The following CSMD1 variants were observed in gnomAD, a reference collection of about 807,000 sequenced individuals.
The protein encoded by CSMD1 is CUB and sushi domain-containing protein 1.
Under a neutral mutation model 417.5 loss-of-function variants are expected in CSMD1, and 213 were observed. That is an observed-to-expected ratio of 0.51 (90% CI 0.46 to 0.57). The LOEUF (loss-of-function observed/expected upper bound fraction) is 0.57. CSMD1 is among the 20% of genes least tolerant of loss of function. The probability of loss-of-function intolerance (pLI) is 0.00; values close to 1 mark genes in which losing one functional copy is unlikely to be tolerated. For missense variants in CSMD1, 6,923 were observed against 4,529.7 expected, an observed-to-expected ratio of 1.53 and a Z score of -15.17; for synonymous variants, 2,862 against 1,736.8, an observed-to-expected ratio of 1.65 and a Z score of -16.11.
intron 11 of CSMD1, among the ~76,000 whole-genome samples, chr8:3,473,809 G>C (rs1277612532): frequency 6.6e-6 from 1 of 152,170 alleles, no homozygotes; most frequent in Admixed American, 6.5e-5. Context: ...TAGAGACTGG[G>C]TAATTTATAA....
chr8:4,013,707 C>T lies in CSMD1; in HGVS notation c.611-15597G>A, dbSNP rs181364453. ...TCTTGTTTTGTTCATATTGTAGCCC[C>T]AGCAGCTACAACAAATGTTGGCGAA... On this transcript the variant is annotated intron_variant, in intron 4 of 69. Coordinates refer to ENST00000635120, the MANE Select transcript of CSMD1 (RefSeq NM_033225.6). 2.0e-5 allele frequency among the ~76,000 whole-genome samples: 3 copies of T among 152,308 alleles called. No individual in the cohort carries two copies. In the East Asian group the frequency reaches 5.8e-4, roughly 29 times the overall value.
chr8:3,175,141 G>C (rs1441452830), intron 37 of CSMD1, among the ~76,000 whole-genome samples: 1 of 152,098 alleles, frequency 6.6e-6, no homozygotes, highest in Non-Finnish European at 1.5e-5. Context: ...TTTATGTTTA[G>C]TTTATAACGA....
chr8:4,013,443 T>A (rs761162479), intron 4 of CSMD1, among the ~76,000 whole-genome samples: 6 of 152,140 alleles, frequency 3.9e-5, no homozygotes, highest in Non-Finnish European at 8.8e-5. Flanking sequence ...GGTTTTCTAC[T>A]ATCAGGGGGG....
At chr8:4,263,667 T>A (rs958035434) in intron 3 of CSMD1, among the ~76,000 whole-genome samples, 1 of 152,170 alleles carries the variant, frequency 6.6e-6, no homozygotes, top group African/African-American at 2.4e-5. Context: ...ACCAATATAA[T>A]TTTGAATTAT....
chr8:3,047,909 C>T (rs75995662), intron 50 of CSMD1, among the ~76,000 whole-genome samples: 2,186 of 152,258 alleles, frequency 0.014, 18 homozygotes, highest in East Asian at 0.031. Flanking sequence ...TCTGTTTATG[C>T]CGTGAAGGCA....
In CSMD1 at chr8:3,652,326, C is replaced by CCACCATCAGCGTGCTT. The variant is rs1563235980; in HGVS notation, c.1010-35530_1010-35529insAAGCACGCTGATGGTG. 1.3e-4 allele frequency among the ~76,000 whole-genome samples: 19 copies of CCACCATCAGCGTGCTT among 151,768 alleles called. No homozygotes were observed. In the East Asian group the frequency reaches 2.9e-3, roughly 23 times the overall value. On this transcript the variant is annotated intron_variant, in intron 7 of 69. Transcript: ENST00000635120. ...CATGCTTAACCACCATCGGAGTGCT[C>CCACCATCAGCGTGCTT]ACCACCATCAGCGTGCTTACCACCA...
At chr8:3,923,765 C>T (rs569165693) in intron 5 of CSMD1, among the ~76,000 whole-genome samples, 7 of 152,310 alleles carry the variant, frequency 4.6e-5, no homozygotes, top group Admixed American at 6.5e-5. Context: ...AACATCTCCT[C>T]ATTTTCACCT....
intron 26 of CSMD1, among the ~76,000 whole-genome samples, chr8:3,270,379 T>G (rs1801751457): frequency 6.6e-6 from 1 of 152,110 alleles, no homozygotes; most frequent in Non-Finnish European, 1.5e-5. Context: ...ACTAGACAGT[T>G]GTTGCTGCCT....
At chr8:4,055,169 C>G (rs546712775) in intron 3 of CSMD1, among the ~76,000 whole-genome samples, 2 of 152,146 alleles carry the variant, frequency 1.3e-5, no homozygotes, top group African/African-American at 2.4e-5. Context: ...ATATGAATTT[C>G]TCATACGCAG....
rs554758546 is a variant in CSMD1, at chr8:4,303,758, C to A, written c.415+116195G>T. Among the ~76,000 whole-genome samples, 3 of 151,980 alleles carry A rather than the reference C, an allele frequency of 2.0e-5. No individual in the cohort carries two copies. In the South Asian group the frequency reaches 6.2e-4, roughly 32 times the overall value. On this transcript the variant is annotated intron_variant, in intron 3 of 69. Coordinates refer to ENST00000635120, the MANE Select transcript of CSMD1 (RefSeq NM_033225.6). Reference sequence around the variant, plus strand: ...CCAACCTCAGCCTCCTGGTTTCAAGCGATTCTCCTGCCTCAGCCTCCTGAG... The same window carrying A: ...CCAACCTCAGCCTCCTGGTTTCAAGAGATTCTCCTGCCTCAGCCTCCTGAG...
intron 5 of CSMD1, among the ~76,000 whole-genome samples, chr8:3,770,929 G>C (rs1351947663): frequency 6.6e-6 from 1 of 152,162 alleles, no homozygotes; most frequent in Non-Finnish European, 1.5e-5. Context: ...ATAGCTTGGT[G>C]AATCTCCGAA....
At chr8:3,073,118 T>C (rs1563861) in intron 49 of CSMD1, among the ~76,000 whole-genome samples, 91,565 of 151,810 alleles carry the variant, frequency 0.6, 27,904 homozygotes, top group Non-Finnish European at 0.62. Flanking sequence ...AATACAAAAG[T>C]CCTATTGTCT....
At chr8:4,105,187 T>C (rs1479821118) in intron 3 of CSMD1, among the ~76,000 whole-genome samples, 1 of 152,040 alleles carries the variant, frequency 6.6e-6, no homozygotes, top group Non-Finnish European at 1.5e-5. Context: ...ATGCCATACA[T>C]CCTAAGATTA....
chr8:4,680,007 G>C (rs535333182), intron 1 of CSMD1, among the ~76,000 whole-genome samples: 6 of 152,202 alleles, frequency 3.9e-5, no homozygotes, highest in African/African-American at 1.4e-4. Context: ...ATTTGTTTTA[G>C]TACTCTTCAA....
chr8:4,685,052 C>T (rs1806285086), intron 1 of CSMD1, among the ~76,000 whole-genome samples: 1 of 152,168 alleles, frequency 6.6e-6, no homozygotes, highest in Non-Finnish European at 1.5e-5. Flanking sequence ...CATGATTCTT[C>T]TGACCCTTAC....
chr8:4,592,053 T>G (rs182965819), intron 2 of CSMD1, among the ~76,000 whole-genome samples: 362 of 152,210 alleles, frequency 2.4e-3, no homozygotes, highest in Non-Finnish European at 3.7e-3. Context: ...CCATTGCATC[T>G]GAGGTACCGG....
chr8:4,466,175 G>C (rs1355582287), intron 2 of CSMD1, among the ~76,000 whole-genome samples: 1 of 152,138 alleles, frequency 6.6e-6, no homozygotes, highest in Admixed American at 6.5e-5. Context: ...GTGGTCTTAA[G>C]AGCTGTTTAA....
At chr8:4,712,620 T>C (rs1375262461) in intron 1 of CSMD1, among the ~76,000 whole-genome samples, 1 of 152,242 alleles carries the variant, frequency 6.6e-6, no homozygotes, top group East Asian at 1.9e-4. Flanking sequence ...GATTTGTTTA[T>C]TTTTGATGAG....
intron 37 of CSMD1, among the ~76,000 whole-genome samples, chr8:3,179,094 C>CGT (rs773329050): frequency 6.6e-6 from 1 of 151,660 alleles, no homozygotes; most frequent in Non-Finnish European, 1.5e-5. Flanking sequence ...ACTACAGGCC[C>CGT]GCCACCACGC....
Sources: gnomAD v4.1 joint callset for allele counts (sites outside exome capture counted in the v4.1 genomes callset) on GRCh38, gnomAD v4.1.1 for gene constraint, MANE v1.5 for transcripts, NCBI Gene and HGNC (gene_info 2026-07-23, HGNC 2026-07-21) for gene names.